The following EPHB2 variants were observed in gnomAD, a reference collection of about 807,000 sequenced individuals.
The protein encoded by EPHB2 is EPH receptor B2, also known as ephrin type-B receptor 2.
A neutral mutation model predicts 96.4 loss-of-function variants in EPHB2; 18 were observed. That is an observed-to-expected ratio of 0.19 (90% CI 0.13 to 0.28). EPHB2 has a LOEUF of 0.28. Ranked by LOEUF, EPHB2 falls within the 10% of genes least tolerant of loss-of-function variation. EPHB2 has a pLI of 1.00. For missense variants in EPHB2, 989 were observed against 1,355.4 expected (o/e 0.73, Z 4.25); for synonymous variants, 506 against 534.1 (o/e 0.95, Z 0.72).
chr1:22,810,691 G>T (rs1644990724), intron 3 of EPHB2, among the ~76,000 whole-genome samples: 1 of 152,144 alleles, frequency 6.6e-6, no homozygotes, highest in Admixed American at 6.5e-5. Flanking sequence ...ACCGACCCCA[G>T]CAGAGCTGCC....
chr1:22,893,846 T>C (rs757154300), intron 7 of EPHB2, among the ~76,000 whole-genome samples: 1 of 152,236 alleles, frequency 6.6e-6, no homozygotes, highest in Non-Finnish European at 1.5e-5. Context: ...TGTAGATAAG[T>C]CATAGTTTGT....
chr1:22,757,415 C>T (rs1231427425), intron 1 of EPHB2, among the ~76,000 whole-genome samples: 1 of 152,162 alleles, frequency 6.6e-6, no homozygotes, highest in African/African-American at 2.4e-5. Flanking sequence ...AGGACAGCCT[C>T]AGGCATTGTA....
chr1:22,806,497 G>A (rs368087731), intron 3 of EPHB2, among the ~76,000 whole-genome samples: 6 of 103,030 alleles, frequency 5.8e-5, no homozygotes, highest in African/African-American at 2.8e-4. Context: ...ACGGACGGAC[G>A]GACGGACGGA....
At chr1:22,889,406 G>A (rs1019492834) in intron 6 of EPHB2, among the ~76,000 whole-genome samples, 7 of 152,146 alleles carry the variant, frequency 4.6e-5, no homozygotes, top group African/African-American at 1.7e-4. Flanking sequence ...GTTGTACAGT[G>A]GCACTTAGTG....
At chr1:22,871,584 G>A (rs1638668465) in intron 5 of EPHB2, among the ~76,000 whole-genome samples, 1 of 152,204 alleles carries the variant, frequency 6.6e-6, no homozygotes, top group Non-Finnish European at 1.5e-5. Context: ...ACATTAACAA[G>A]AATGTGAACA....
chr1:22,795,880 G>A lies in EPHB2; in HGVS notation c.811+10804G>A, dbSNP rs186210288. On this transcript the variant is annotated intron_variant, in intron 3 of 15. Transcript: ENST00000374630. ...CTCCCCCCGCCGGGGGAGGTTTTCC[G>A]GGACCTGTTACCATCCCGCCAACCC... 1.4e-3 allele frequency among the ~76,000 whole-genome samples: 217 copies of A among 152,136 alleles called. 3 individuals carry two copies. Among genetic ancestry groups the A allele is most frequent in the African/African-American group, 4.9e-3 (204 of 41,498 alleles).
intron 9 of EPHB2, 116 bp downstream of exon 9, chr1:22,896,594 T>G: frequency 7.3e-7 from 1 of 1,363,762 alleles, no homozygotes; most frequent in Non-Finnish European, 1.0e-6. Context: ...CAATGTCAAG[T>G]GGTTGCCTGG....
chr1:22,728,226 C>A (rs563153186), intron 1 of EPHB2, among the ~76,000 whole-genome samples: 3 of 152,156 alleles, frequency 2.0e-5, no homozygotes, highest in African/African-American at 7.2e-5. Flanking sequence ...TAAAAAATTA[C>A]TGAATGAATG....
At chr1:22,746,264 C>T (rs1570197613) in intron 1 of EPHB2, among the ~76,000 whole-genome samples, 1 of 152,168 alleles carries the variant, frequency 6.6e-6, no homozygotes, top group Non-Finnish European at 1.5e-5. Flanking sequence ...ATGATTGGGT[C>T]TGGTAGGGAG....
intron 3 of EPHB2, among the ~76,000 whole-genome samples, chr1:22,808,753 T>C (rs1386170743): frequency 4.6e-5 from 7 of 152,222 alleles, no homozygotes; most frequent in African/African-American, 1.7e-4. Flanking sequence ...ATCTTCTCAT[T>C]TTACAACGAG....
rs537456492 is a variant in EPHB2 at position 22,838,198 on chromosome 1, G to T, written c.812-24839G>T. Among the ~76,000 whole-genome samples the T allele has an allele frequency of 3.9e-5, 6 of 152,302 alleles. No individual in the cohort carries two copies. In the South Asian group the frequency reaches 1.2e-3, roughly 32 times the overall value. On this transcript the variant is annotated intron_variant, in intron 3 of 15. Transcript: ENST00000374630. The stretch of plus-strand genomic sequence containing the variant: ...TCTCTGGACATCCATGTTCCACTCT[G>T]CCATCTCAGGGCAATGGTCACCCCC...
intron 7 of EPHB2, among the ~76,000 whole-genome samples, chr1:22,894,655 C>A (rs1639499045): frequency 1.3e-5 from 2 of 151,664 alleles, no homozygotes; most frequent in East Asian, 3.9e-4. Context: ...GTGTTAATGG[C>A]ATTGAGTGGT....
At chr1:22,732,417 C>G (rs928384684) in intron 1 of EPHB2, among the ~76,000 whole-genome samples, 5 of 152,168 alleles carry the variant, frequency 3.3e-5, no homozygotes, top group Non-Finnish European at 7.3e-5. Flanking sequence ...ACTCTTCTCT[C>G]TAATTTTTGA....
At chr1:22,718,029 A>G (rs1467008162) in intron 1 of EPHB2, among the ~76,000 whole-genome samples, 1 of 152,182 alleles carries the variant, frequency 6.6e-6, no homozygotes. Context: ...TAAGCTTGCA[A>G]TAAATGTGAA....
chr1:22,724,719 C>T (rs1023715541), intron 1 of EPHB2, among the ~76,000 whole-genome samples: 1 of 152,198 alleles, frequency 6.6e-6, no homozygotes, highest in South Asian at 2.1e-4. Flanking sequence ...CAGCAGATGG[C>T]AGCTTCCCAC....
intron 5 of EPHB2, among the ~76,000 whole-genome samples, chr1:22,868,005 G>A (rs1344927864): frequency 1.3e-5 from 2 of 152,246 alleles, no homozygotes; most frequent in Non-Finnish European, 2.9e-5. Flanking sequence ...GGGTGGTGGA[G>A]AGGGAACTCT....
intron 1 of EPHB2, among the ~76,000 whole-genome samples, chr1:22,760,779 C>T (rs1644224711): frequency 6.6e-6 from 1 of 152,204 alleles, no homozygotes; most frequent in Non-Finnish European, 1.5e-5. Context: ...CCCATCTGTA[C>T]ACCCAGGAAA....
intron 14 of EPHB2, among the ~76,000 whole-genome samples, chr1:22,911,143 A>AAAAAAAAAAAAT (rs368231548): frequency 1.3e-4 from 18 of 133,816 alleles, no homozygotes; most frequent in African/African-American, 6.0e-4. Context: ...TCCATCTAAA[A>AAAAAAAAAAAAT]AAATAAATAA....
intron 3 of EPHB2, among the ~76,000 whole-genome samples, chr1:22,821,441 G>C (rs929406910): frequency 2.0e-5 from 3 of 152,164 alleles, no homozygotes; most frequent in Admixed American, 6.5e-5. Flanking sequence ...GTGCAGTCTA[G>C]TAAGTCATCA....
Sources: gnomAD v4.1 joint callset for allele counts (sites outside exome capture counted in the v4.1 genomes callset) on GRCh38, gnomAD v4.1.1 for gene constraint, MANE v1.5 for transcripts, NCBI Gene and HGNC (gene_info 2026-07-23, HGNC 2026-07-21) for gene names.